EYA3: variants seen among roughly 807,000 people sequenced by gnomAD.
EYA3 encodes the protein EYA transcriptional coactivator and phosphatase 3, also known as protein phosphatase EYA3.
A neutral mutation model predicts 80.0 loss-of-function variants in EYA3; 39 were observed. That is an observed-to-expected ratio of 0.49 (90% confidence interval 0.38 to 0.64). EYA3 has a LOEUF of 0.64. EYA3 is among the 30% of genes least tolerant of loss of function. The pLI, the probability that EYA3 is intolerant of heterozygous loss-of-function variation, is 0.00. For missense variants in EYA3, 523 were observed against 676.1 expected, an observed-to-expected ratio of 0.77 and a Z score of 2.51; for synonymous variants, 206 against 232.8, an observed-to-expected ratio of 0.88 and a Z score of 1.05.
At chr1:28,047,701 C>T (rs964207124) in intron 3 of EYA3, among the ~76,000 whole-genome samples, 6 of 150,026 alleles carry the variant, frequency 4.0e-5, no homozygotes, top group African/African-American at 1.5e-4. Flanking sequence ...TGCAGTGGCG[C>T]GATCTCAGCT....
chr1:28,023,672 T>C (rs776770600), intron 7 of EYA3, among the ~76,000 whole-genome samples: 61 of 152,066 alleles, frequency 4.0e-4, no homozygotes, highest in Non-Finnish European at 8.2e-4. Flanking sequence ...AACTACAAAG[T>C]CTAGAAGAGC....
rs1638834518 is a variant in EYA3 at position 27,974,311 on chromosome 1, G to A, written c.*155C>T. 2.1e-6 allele frequency: 1 copy of A among 485,168 alleles called. No homozygotes were observed. Among genetic ancestry groups the A allele is most frequent in the East Asian group, 3.2e-5 (1 of 30,802 alleles). The allele number at this position is 485,168 out of a possible 1,614,324, so 30.1% of individuals were successfully genotyped here. A position where few individuals can be genotyped will look rare whatever the true frequency, so the allele number is the denominator to read the frequency against. ...AGAGGGAGGGAGAGAGGAAGGGAGGGAGGGAGAGAGGGAGAGAGAGAAAGA... is the reference window on the plus strand; with the variant it reads ...AGAGGGAGGGAGAGAGGAAGGGAGGAAGGGAGAGAGGGAGAGAGAGAAAGA... On this transcript the variant is annotated 3_prime_UTR_variant, in exon 18 of 18. Transcript: ENST00000373871.
rs139392263 is a variant in EYA3, at chr1:28,054,457, C to T, written c.33+3537G>A. On this transcript the variant is annotated intron_variant, in intron 2 of 17. Coordinates refer to ENST00000373871, the MANE Select transcript of EYA3 (RefSeq NM_001990.4). ...AAGAGTTTATTCCCATATTTATAAG[C>T]AAGCACCTCAATTATTTTAAATAAG... Among the ~76,000 whole-genome samples, 1,261 of 152,274 alleles carry T rather than the reference C, an allele frequency of 8.3e-3. 22 individuals carry two copies. Among genetic ancestry groups the T allele is most frequent in the African/African-American group, 0.029 (1,190 of 41,560 alleles).
intron 11 of EYA3, among the ~76,000 whole-genome samples, chr1:28,000,486 G>C (rs568712564): frequency 6.6e-6 from 1 of 151,998 alleles, no homozygotes; most frequent in East Asian, 1.9e-4. Context: ...CTAATTTTTT[G>C]TATTTTTAGT....
At chr1:28,004,243 G>T in intron 11 of EYA3, 93 bp downstream of exon 11, 1 of 855,674 alleles carries the variant, frequency 1.2e-6, no homozygotes, top group Non-Finnish European at 1.8e-6. Context: ...CCAGCCAACA[G>T]GGGTAGCAGA....
intron 1 of EYA3, among the ~76,000 whole-genome samples, chr1:28,073,127 A>ATATATATATATATATTTTTTT (rs1553157671): frequency 1.3e-4 from 2 of 14,998 alleles, no homozygotes; most frequent in Non-Finnish European, 2.2e-4. Context: ...ATATATATAT[A>ATATATATATATATATTTTTTT]TTTTTTTTTT....
At chr1:28,047,919 G>A (rs1189084452) in intron 3 of EYA3, among the ~76,000 whole-genome samples, 2 of 152,168 alleles carry the variant, frequency 1.3e-5, no homozygotes, top group Non-Finnish European at 2.9e-5. Flanking sequence ...GATTACAGGC[G>A]TGAGCGACCG....
rs112967488 is a variant in EYA3, at chr1:28,067,129, A to T, written c.-68-9035T>A. Among the ~76,000 whole-genome samples the T allele has an allele frequency of 7.7e-3, 1,168 of 152,320 alleles. 10 individuals carry two copies. The highest frequency in any genetic ancestry group is 0.051 in the Middle Eastern group (15 of 294). The stretch of plus-strand genomic sequence containing the variant: ...ACTGTTCCTGGATAAAGTATAAAAG[A>T]GGTCATAAGATTGGCCACAGCCTAA... On this transcript the variant is annotated intron_variant, in intron 1 of 17. Transcript: ENST00000373871.
chr1:27,974,638 C>CAA, intron 17 of EYA3, 92 bp from the exon 18 acceptor site: 1 of 1,022,292 alleles, frequency 9.8e-7, no homozygotes, highest in South Asian at 1.4e-5. Context: ...ACACCTCTCC[C>CAA]CAAGGTACAT....
intron 1 of EYA3, among the ~76,000 whole-genome samples, chr1:28,062,947 A>G (rs1296672807): frequency 6.6e-6 from 1 of 150,912 alleles, no homozygotes; most frequent in Non-Finnish European, 1.5e-5. Context: ...GGTTGCAGTG[A>G]GCCGAGATTG....
chr1:27,982,170 C>T (rs1423897190), intron 16 of EYA3, among the ~76,000 whole-genome samples: 1 of 152,082 alleles, frequency 6.6e-6, no homozygotes, highest in Non-Finnish European at 1.5e-5. Flanking sequence ...CCATGCCCAG[C>T]TAATTTTAGT....
At chr1:28,074,611 C>T (rs2985109) in intron 1 of EYA3, among the ~76,000 whole-genome samples, 27,116 of 151,564 alleles carry the variant, frequency 0.18, 3,014 homozygotes, top group East Asian at 0.24. Flanking sequence ...GCCACCATAC[C>T]AGGCCCTTTG....
At position 28,074,866 on chromosome 1, in the gene EYA3, T is replaced by C. The variant is rs567273647; in HGVS notation, c.-69+13658A>G. 2.0e-5 allele frequency among the ~76,000 whole-genome samples: 3 copies of C among 152,342 alleles called. No individual in the cohort carries two copies. The South Asian group carries it at 6.2e-4, about 32-fold the overall frequency. On this transcript the variant is annotated intron_variant, in intron 1 of 17. Coordinates refer to ENST00000373871, the MANE Select transcript of EYA3 (RefSeq NM_001990.4). ...TATTTGTTGTTATTACTGTTTACTG[T>C]TGTTACTGTTTATTGTTGTTTCTTT...
chr1:28,037,850 T>TG (rs1332793759), intron 5 of EYA3, among the ~76,000 whole-genome samples: 3 of 152,230 alleles, frequency 2.0e-5, no homozygotes, highest in African/African-American at 7.2e-5. Flanking sequence ...AAGTATCTCT[T>TG]GCTTTTGTTA....
At position 27,971,042 on chromosome 1, in the gene EYA3, G is replaced by C. The variant is rs933668929; in HGVS notation, c.*3424C>G. 5.9e-5 allele frequency: 9 copies of C among 152,182 alleles called. No individual in the cohort carries two copies. The highest frequency in any genetic ancestry group is 1.9e-4 in the African/African-American group (8 of 41,430). The allele number at this position is 152,182 out of a possible 1,614,324, so 9.4% of individuals were successfully genotyped here. ...GAACAAGCTGTGGCATCAGTCTCTT[G>C]GGACAACTCACTAGCTTTACAGAAG... On this transcript the variant is annotated 3_prime_UTR_variant, in exon 18 of 18. Transcript: ENST00000373871.
At chr1:28,072,362 A>G (rs956506719) in intron 1 of EYA3, among the ~76,000 whole-genome samples, 1 of 152,164 alleles carries the variant, frequency 6.6e-6, no homozygotes, top group Non-Finnish European at 1.5e-5. Flanking sequence ...AACAGTAATG[A>G]GCTGCATTCA....
intron 1 of EYA3, among the ~76,000 whole-genome samples, chr1:28,072,380 T>C (rs1339964267): frequency 6.6e-6 from 1 of 152,100 alleles, no homozygotes; most frequent in Non-Finnish European, 1.5e-5. Flanking sequence ...TCAGAGGAGA[T>C]TCCAAAAGTT....
At chr1:28,039,497 A>G (rs1643652852) in intron 4 of EYA3, among the ~76,000 whole-genome samples, 1 of 152,178 alleles carries the variant, frequency 6.6e-6, no homozygotes. Flanking sequence ...TGAGGAACTG[A>G]TGTGATACTC....
chr1:27,985,947 C>T (rs894808469), intron 16 of EYA3, among the ~76,000 whole-genome samples: 2 of 152,074 alleles, frequency 1.3e-5, no homozygotes, highest in Non-Finnish European at 2.9e-5. Context: ...GATAATCTGC[C>T]TAAGGTGAGA....
Sources: allele counts gnomAD v4.1 joint callset (sites outside exome capture counted in the v4.1 genomes callset), GRCh38; gene constraint gnomAD v4.1.1; transcripts MANE v1.5; gene names NCBI Gene and HGNC (gene_info 2026-07-23, HGNC 2026-07-21).